Variants in USH2A observed in about 807,000 individuals in gnomAD.
The protein encoded by USH2A is usherin.
Under a neutral mutation model 538.9 loss-of-function variants are expected in USH2A, and 443 were observed. That is an observed-to-expected ratio of 0.82 (90% CI 0.76 to 0.89). The LOEUF is 0.89. Among genes scored for constraint, USH2A ranks in the 40% least tolerant of loss-of-function variants. The probability of loss-of-function intolerance (pLI) is 0.00; values close to 1 mark genes in which losing one functional copy is unlikely to be tolerated. For synonymous variants in USH2A, 2,413 were observed against 2,273.5 expected (o/e 1.06, Z -1.75); for missense variants, 6,633 against 6,324.8 (o/e 1.05, Z -1.65).
intron 20 of USH2A, among the ~76,000 whole-genome samples, chr1:216,187,613 A>G (rs1402689364): frequency 5.3e-5 from 8 of 152,024 alleles, no homozygotes; most frequent in African/African-American, 1.9e-4. Context: ...ATAATGTTAG[A>G]AAATCAAAGT....
chr1:216,368,962 C>T (rs567706986), intron 3 of USH2A, among the ~76,000 whole-genome samples: 68 of 152,104 alleles, frequency 4.5e-4, no homozygotes, highest in Middle Eastern at 6.8e-3. Flanking sequence ...TAACATTAAG[C>T]GATTTGACAA....
intron 21 of USH2A, among the ~76,000 whole-genome samples, chr1:216,154,998 T>G (rs780781627): frequency 2.3e-5 from 3 of 130,446 alleles, no homozygotes; most frequent in Non-Finnish European, 5.1e-5. Context: ...TCTGTATATC[T>G]TATCCAAATG....
intron 30 of USH2A, among the ~76,000 whole-genome samples, chr1:216,058,376 G>C (rs1312025621): frequency 6.7e-6 from 1 of 149,084 alleles, no homozygotes; most frequent in East Asian, 1.9e-4. Flanking sequence ...GAGAGTGCTT[G>C]GGCTATATTT....
chr1:216,110,314 G>A (rs1044953575), intron 21 of USH2A, among the ~76,000 whole-genome samples: 11 of 152,086 alleles, frequency 7.2e-5, no homozygotes, highest in African/African-American at 1.4e-4. Flanking sequence ...GCAAGATAGT[G>A]ACATAGTGAG....
At chr1:216,269,917 T>G (rs1255199400) in intron 11 of USH2A, among the ~76,000 whole-genome samples, 1 of 152,114 alleles carries the variant, frequency 6.6e-6, no homozygotes, top group Non-Finnish European at 1.5e-5. Flanking sequence ...CCCAGTCAGT[T>G]TTCTTTACAT....
At chr1:215,813,999 A>G in intron 48 of USH2A, 95 bp from the exon 49 acceptor site, 2 of 1,374,108 alleles carry the variant, frequency 1.5e-6, no homozygotes, top group Non-Finnish European at 1.0e-6. Flanking sequence ...CTTGTAAGGC[A>G]TAGAAGATCT....
chr1:215,770,941 CT>C (rs1190383041), intron 55 of USH2A, among the ~76,000 whole-genome samples: 5 of 63,684 alleles, frequency 7.9e-5, no homozygotes, highest in African/African-American at 4.0e-4. Context: ...CCCGTCTCTA[CT>C]AAAAAAAAAA....
chr1:216,139,166 T>C (rs1415072408), intron 21 of USH2A, among the ~76,000 whole-genome samples: 1 of 152,170 alleles, frequency 6.6e-6, no homozygotes, highest in Non-Finnish European at 1.5e-5. Flanking sequence ...TACCAACTGC[T>C]GAGGAATATC....
At chr1:216,259,218 T>C (rs1216217165) in intron 11 of USH2A, among the ~76,000 whole-genome samples, 2 of 152,132 alleles carry the variant, frequency 1.3e-5, no homozygotes, top group Non-Finnish European at 2.9e-5. Flanking sequence ...CTGCGATGTT[T>C]AGAAGCTTAA....
intron 70 of USH2A, 106 bp downstream of exon 70, chr1:215,634,353 T>G: frequency 6.4e-7 from 1 of 1,570,066 alleles, no homozygotes; most frequent in Non-Finnish European, 8.7e-7. Flanking sequence ...AAACATAACT[T>G]ACATCTAATT....
At chr1:216,370,700 A>AAAAAAAAAAAAAAAAAAC (rs2038696787) in intron 3 of USH2A, among the ~76,000 whole-genome samples, 2 of 150,696 alleles carry the variant, frequency 1.3e-5, no homozygotes, top group South Asian at 2.1e-4. Flanking sequence ...AAAAAAAAAA[A>AAAAAAAAAAAAAAAAAAC]AATACTCAAG....
chr1:216,247,316 C>A (rs550405943), intron 12 of USH2A, 90 bp from the exon 13 acceptor site: 2 of 1,505,588 alleles, frequency 1.3e-6, no homozygotes, highest in Non-Finnish European at 9.1e-7. Flanking sequence ...GCAGATGATA[C>A]GAACACAAAA....
intron 21 of USH2A, among the ~76,000 whole-genome samples, chr1:216,143,333 C>T (rs945167271): frequency 5.9e-5 from 9 of 152,098 alleles, no homozygotes; most frequent in Admixed American, 2.6e-4. Context: ...TAAATTAAAG[C>T]TCCTAAGGAT....
chr1:215,785,050 T>C (rs1321741835), intron 52 of USH2A, among the ~76,000 whole-genome samples: 1 of 152,218 alleles, frequency 6.6e-6, no homozygotes, highest in Non-Finnish European at 1.5e-5. Context: ...ATCTGAGGCC[T>C]TTCCTAATTA....
At chr1:215,771,579 C>CAAAAAAAAAAAAAAAAAAAAAAAAA (rs759067576) in intron 55 of USH2A, among the ~76,000 whole-genome samples, 1 of 43,988 alleles carries the variant, frequency 2.3e-5, no homozygotes, top group Non-Finnish European at 3.7e-5. Flanking sequence ...GACTCCGTCT[C>CAAAAAAAAAAAAAAAAAAAAAAAAA]AAAAAAAAAA....
intron 49 of USH2A, among the ~76,000 whole-genome samples, chr1:215,806,878 C>A (rs1662520092): frequency 6.6e-6 from 1 of 152,092 alleles, no homozygotes; most frequent in African/African-American, 2.4e-5. Context: ...TATTCTTGCA[C>A]TCAGGCTCAC....
At chr1:215,766,217 T>C (rs1399148497) in intron 56 of USH2A, among the ~76,000 whole-genome samples, 1 of 152,178 alleles carries the variant, frequency 6.6e-6, no homozygotes, top group Non-Finnish European at 1.5e-5. Flanking sequence ...TGGGTTTCTA[T>C]CTCTTCCTCT....
At chr1:216,399,408 TG>T (rs2039270594) in intron 3 of USH2A, among the ~76,000 whole-genome samples, 1 of 151,956 alleles carries the variant, frequency 6.6e-6, no homozygotes, top group South Asian at 2.1e-4. Flanking sequence ...CTACTCCCAG[TG>T]GTATTAGTGA....
chr1:215,763,543 T>G (rs918418689), intron 56 of USH2A, among the ~76,000 whole-genome samples: 3 of 152,108 alleles, frequency 2.0e-5, no homozygotes, highest in Admixed American at 6.6e-5. Context: ...GCATGGCTGG[T>G]GCACTGCATG....
Sources: gnomAD v4.1 joint callset for allele counts (sites outside exome capture counted in the v4.1 genomes callset) on GRCh38, gnomAD v4.1.1 for gene constraint, MANE v1.5 for transcripts, NCBI Gene and HGNC (gene_info 2026-07-23, HGNC 2026-07-21) for gene names.